PAH: variants seen among roughly 807,000 people sequenced by gnomAD.
The protein encoded by PAH is phenylalanine hydroxylase.
PAH carries 64 observed loss-of-function variants against 62.0 expected under a neutral mutation model. The ratio of observed to expected loss-of-function variants is 1.03; its 90% CI spans 0.84 to 1.27. The LOEUF (loss-of-function observed/expected upper bound fraction) is 1.27. Among genes scored for constraint, PAH ranks in the 50% most tolerant of loss-of-function variants. PAH has a pLI of 0.00. For missense variants in PAH, 579 were observed against 542.8 expected, an observed-to-expected ratio of 1.07 and a Z score of -0.66; for synonymous variants, 195 against 196.2, an observed-to-expected ratio of 0.99 and a Z score of 0.05.
intron 3 of PAH, among the ~76,000 whole-genome samples, chr12:102,882,254 A>G (rs1876841695): frequency 6.6e-6 from 1 of 152,156 alleles, no homozygotes; most frequent in South Asian, 2.1e-4. Context: ...GATACTCAGG[A>G]TCTGGCCCTA....
intron 2 of PAH, among the ~76,000 whole-genome samples, chr12:102,899,846 G>A (rs1188449282): frequency 7.6e-5 from 5 of 65,582 alleles, no homozygotes; most frequent in African/African-American, 8.2e-5. Context: ...GCGACAGAGC[G>A]AGACTCCGTC....
chr12:102,940,824 C>A (rs1481533360), intron 1 of PAH, among the ~76,000 whole-genome samples: 1 of 152,072 alleles, frequency 6.6e-6, no homozygotes, highest in Non-Finnish European at 1.5e-5. Flanking sequence ...ATTCAGAGAA[C>A]CTCTGATATA....
At chr12:102,896,911 T>C (rs1877528638) in intron 2 of PAH, among the ~76,000 whole-genome samples, 4 of 152,210 alleles carry the variant, frequency 2.6e-5, no homozygotes, top group Admixed American at 6.5e-5. Flanking sequence ...CATTAGCCAT[T>C]CGTACCCTCA....
At chr12:102,902,341 G>A (rs556778562) in intron 2 of PAH, among the ~76,000 whole-genome samples, 2 of 152,180 alleles carry the variant, frequency 1.3e-5, no homozygotes, top group African/African-American at 2.4e-5. Context: ...AACTTTGTTT[G>A]GTTTTCACTC....
At chr12:102,857,074 C>A (rs1163364804) in intron 5 of PAH, among the ~76,000 whole-genome samples, 2 of 152,210 alleles carry the variant, frequency 1.3e-5, no homozygotes, top group African/African-American at 2.4e-5. Context: ...AAGCTAAAAA[C>A]CTTGAAAAAA....
At chr12:102,840,213 C>T (rs574799850) in intron 12 of PAH, among the ~76,000 whole-genome samples, 187 bp downstream of exon 12, 5 of 151,994 alleles carry the variant, frequency 3.3e-5, no homozygotes, top group Non-Finnish European at 5.9e-5. Flanking sequence ...GGAAAAAGGA[C>T]ACAAGGGTAA....
chr12:102,858,770 AC>A (rs1312249199), intron 5 of PAH, among the ~76,000 whole-genome samples: 1 of 152,210 alleles, frequency 6.6e-6, no homozygotes, highest in Non-Finnish European at 1.5e-5. Context: ...GTTCTTTGAA[AC>A]CAATGAGAAC....
rs144701166 is a variant in PAH at position 102,910,035 on chromosome 12, G to C, written c.168+2756C>G. 1.6e-3 allele frequency among the ~76,000 whole-genome samples: 242 copies of C among 152,066 alleles called. 1 individual carries two copies. The highest frequency in any genetic ancestry group is 5.4e-3 in the African/African-American group (226 of 41,478). On this transcript the variant is annotated intron_variant, in intron 2 of 12. Transcript: ENST00000553106. ...TTTTTAACTTAAAAATATTTATTAAGGTAAAAAATTTTCTTTAGATTGAAT... is the reference window on the plus strand; with the variant it reads ...TTTTTAACTTAAAAATATTTATTAACGTAAAAAATTTTCTTTAGATTGAAT...
chr12:102,936,837 G>A (rs997083865), intron 1 of PAH, among the ~76,000 whole-genome samples: 1 of 152,100 alleles, frequency 6.6e-6, no homozygotes, highest in Non-Finnish European at 1.5e-5. Flanking sequence ...CATTTAGACA[G>A]CCTATGTCTT....
intron 4 of PAH, among the ~76,000 whole-genome samples, chr12:102,873,775 G>A (rs779153528): frequency 5.3e-5 from 8 of 152,126 alleles, no homozygotes; most frequent in Non-Finnish European, 1.2e-4. Context: ...AAAGAGTTCC[G>A]TGGGTAAGTA....
chr12:102,875,462 G>A (rs1351851136), intron 4 of PAH, among the ~76,000 whole-genome samples: 1 of 152,212 alleles, frequency 6.6e-6, no homozygotes, highest in Non-Finnish European at 1.5e-5. Flanking sequence ...CCTTGGATGG[G>A]TCAGAGGTGA....
intron 1 of PAH, among the ~76,000 whole-genome samples, chr12:102,931,560 C>A (rs1878876185): frequency 6.6e-6 from 1 of 152,150 alleles, no homozygotes; most frequent in Non-Finnish European, 1.5e-5. Flanking sequence ...ACTACTTGAT[C>A]TAAGGTCCAT....
chr12:102,925,915 A>G (rs1437653334), intron 1 of PAH, among the ~76,000 whole-genome samples: 1 of 152,154 alleles, frequency 6.6e-6, no homozygotes, highest in Non-Finnish European at 1.5e-5. Context: ...TATATATAAT[A>G]TACATTATAT....
intron 5 of PAH, among the ~76,000 whole-genome samples, chr12:102,858,184 T>A (rs147956223): frequency 0.64 from 97,352 of 151,878 alleles, 32,573 homozygotes; most frequent in African/African-American, 0.78. Context: ...TCCTAGTCTC[T>A]GATAAAACAG....
At chr12:102,893,164 C>T (rs1877348696) in intron 3 of PAH, among the ~76,000 whole-genome samples, 4 of 152,128 alleles carry the variant, frequency 2.6e-5, no homozygotes, top group African/African-American at 7.2e-5. Context: ...CTTTGGGAGG[C>T]TGAGGCGGGT....
At chr12:102,958,285 A>G in exon 1 of PAH, 1 of 1,477,256 alleles carries the variant, frequency 6.8e-7, no homozygotes, top group Non-Finnish European at 8.9e-7. Flanking sequence ...GGCGCCGGCC[A>G]GCAGCCCCAG....
intron 1 of PAH, chr12:102,950,137 A>G (rs1879682922): frequency 6.6e-6 from 1 of 152,124 alleles, no homozygotes; most frequent in Non-Finnish European, 1.5e-5. Context: ...AACTTACTTA[A>G]TCTTGTCTTT....
At chr12:102,880,039 T>C (rs2088315824) in intron 3 of PAH, among the ~76,000 whole-genome samples, 1 of 152,218 alleles carries the variant, frequency 6.6e-6, no homozygotes, top group Non-Finnish European at 1.5e-5. Flanking sequence ...GGTATTATTA[T>C]TATCCCGTTT....
chr12:102,862,219 G>A (rs543055322), intron 5 of PAH, among the ~76,000 whole-genome samples: 61 of 152,170 alleles, frequency 4.0e-4, no homozygotes, highest in African/African-American at 1.3e-3. Flanking sequence ...AATACTATGT[G>A]GCCATAAAAA....
Sources: allele counts gnomAD v4.1 joint callset (sites outside exome capture counted in the v4.1 genomes callset), GRCh38; gene constraint gnomAD v4.1.1; transcripts MANE v1.5; gene names NCBI Gene and HGNC (gene_info 2026-07-23, HGNC 2026-07-21).